The following TMEM40 variants were observed in gnomAD, a reference collection of about 807,000 sequenced individuals.
TMEM40 encodes transmembrane protein 40.
A neutral mutation model predicts 40.8 loss-of-function variants in TMEM40; 34 were observed. The observed-to-expected ratio is 0.83, with a 90% CI of 0.63 to 1.11. The LOEUF (loss-of-function observed/expected upper bound fraction) is 1.11, where lower values mean the gene tolerates loss of function less well. Among genes scored for constraint, TMEM40 ranks in the 50% least tolerant of loss-of-function variants. The probability of loss-of-function intolerance (pLI) is 0.00; values close to 1 mark genes in which losing one functional copy is unlikely to be tolerated. For synonymous variants in TMEM40, 106 were observed against 107.0 expected, an observed-to-expected ratio of 0.99 and a Z score of 0.06; for missense variants, 296 against 280.2, an observed-to-expected ratio of 1.06 and a Z score of -0.40.
chr3:12,761,693 G>C (rs961916825), upstream of TMEM40, among the ~76,000 whole-genome samples: 7 of 152,156 alleles, frequency 4.6e-5, no homozygotes, highest in African/African-American at 1.7e-4. Context: ...TCCAGCATCT[G>C]GGTGAGCATG....
At chr3:12,745,456 C>T (rs895867401) in intron 3 of TMEM40, among the ~76,000 whole-genome samples, 3 of 150,744 alleles carry the variant, frequency 2.0e-5, no homozygotes, top group African/African-American at 7.5e-5. Flanking sequence ...ATTCATAATA[C>T]AATTTTTTTG....
At chr3:12,761,663 T>A (rs9985266), upstream of TMEM40, among the ~76,000 whole-genome samples, 5 of 151,230 alleles carry the variant, frequency 3.3e-5, no homozygotes, top group Admixed American at 3.3e-4. Context: ...CATTGTGGAC[T>A]GGTGGAGAAG....
intron 5 of TMEM40, chr3:12,741,327 G>A (rs1236688193): frequency 6.6e-6 from 1 of 152,230 alleles, no homozygotes; most frequent in Non-Finnish European, 1.5e-5. Flanking sequence ...CTCAAGGGCA[G>A]ACAGGCACTT....
intron 2 of TMEM40, among the ~76,000 whole-genome samples, chr3:12,749,272 C>A (rs138777253): frequency 0.013 from 1,947 of 152,278 alleles, 48 homozygotes; most frequent in African/African-American, 0.045. Context: ...GATCTGCCCG[C>A]CTCGGCCTCC....
intron 1 of TMEM40, among the ~76,000 whole-genome samples, chr3:12,751,363 C>G (rs185159803): frequency 6.6e-6 from 1 of 151,010 alleles, no homozygotes; most frequent in South Asian, 2.1e-4. Flanking sequence ...CTCACTGCAA[C>G]CTCTGCCTCC....
chr3:12,747,218 C>T (rs2061435980), intron 3 of TMEM40, among the ~76,000 whole-genome samples: 1 of 151,188 alleles, frequency 6.6e-6, no homozygotes, highest in Non-Finnish European at 1.5e-5. Flanking sequence ...GCCCAGAGAC[C>T]TTTCATTAAA....
chr3:12,740,638 A>ACT (rs1460370136), intron 5 of TMEM40, among the ~76,000 whole-genome samples: 1 of 151,638 alleles, frequency 6.6e-6, no homozygotes, highest in Non-Finnish European at 1.5e-5. Flanking sequence ...TGGGTAGATC[A>ACT]CTTGAGTCCA....
chr3:12,758,551 G>C (rs974232353), intron 1 of TMEM40, among the ~76,000 whole-genome samples: 2 of 152,100 alleles, frequency 1.3e-5, no homozygotes, highest in African/African-American at 2.4e-5. Context: ...CACACCACCT[G>C]TGCCTGAGCC....
Position 12,735,590 on chromosome 3 carries a change from C to A in TMEM40, c.647G>T (p.Gly216Val), listed in dbSNP as rs766488618. The A allele has an allele frequency of 8.7e-6, 14 of 1,613,268 alleles. No homozygotes were observed. Among genetic ancestry groups the A allele is most frequent in the Admixed American group, 6.7e-5 (4 of 59,728 alleles). The stretch of plus-strand genomic sequence containing the variant: ...AAACTTCTGGAAGAGGGGGATGAAG[C>A]CTTGGAGGACGCTGTGGATACGGTA... ...LVYRIHSVLQ[G>V]FIPLFQKFRL... is the part of the protein sequence containing the mutation. Residue 216 changes from glycine (G) to valine (V), a missense_variant, in exon 11 of 12, where the codon GGC becomes GTC. Coordinates refer to ENST00000314124, the MANE Select transcript of TMEM40 (RefSeq NM_018306.4).
At chr3:12,761,998 T>A (rs1202614543), upstream of TMEM40, among the ~76,000 whole-genome samples, 1 of 152,222 alleles carries the variant, frequency 6.6e-6, no homozygotes, top group East Asian at 1.9e-4. Flanking sequence ...CAGGATCTTG[T>A]TCTCTTGCCC....
chr3:12,748,799 G>T lies in TMEM40; in HGVS notation c.74-7C>A. 1 of 1,613,452 alleles carries T rather than the reference G, an allele frequency of 6.2e-7. No homozygotes were observed. The highest frequency in any genetic ancestry group is 1.3e-5 in the African/African-American group (1 of 74,988). ...TGGAAATCTGTCTCTCCATCTACAAGGCACACAGAGGCCAGGGGATGAGCG... is the reference window on the plus strand; with the variant it reads ...TGGAAATCTGTCTCTCCATCTACAATGCACACAGAGGCCAGGGGATGAGCG... On this transcript the variant is annotated splice_region_variant and splice_polypyrimidine_tract_variant and intron_variant, in intron 2 of 11. Transcript: ENST00000314124.
intron 2 of TMEM40, 63 bp from the exon 3 acceptor site, chr3:12,748,855 C>T: frequency 6.9e-7 from 1 of 1,447,630 alleles, no homozygotes; most frequent in Non-Finnish European, 9.6e-7. Context: ...AGGGACCACC[C>T]AGTCCTCTCC....
At chr3:12,738,429 CT>C in intron 6 of TMEM40, 123 bp downstream of exon 6, 1 of 1,169,092 alleles carries the variant, frequency 8.6e-7, no homozygotes, top group South Asian at 1.3e-5. Context: ...CTAAGTGGAC[CT>C]GGGGCTCCTG....
chr3:12,763,084 C>T (rs527791523), upstream of TMEM40, among the ~76,000 whole-genome samples: 1 of 144,200 alleles, frequency 6.9e-6, no homozygotes, highest in Non-Finnish European at 1.5e-5. Context: ...GGCGTGAATC[C>T]GGGAGGCGGA....
chr3:12,762,233 G>C (rs1457143285), upstream of TMEM40, among the ~76,000 whole-genome samples: 5 of 152,226 alleles, frequency 3.3e-5, no homozygotes, highest in Non-Finnish European at 7.3e-5. Flanking sequence ...GGTTCCCAAA[G>C]TGCTGGGATT....
At chr3:12,746,026 T>C (rs972629866) in intron 3 of TMEM40, among the ~76,000 whole-genome samples, 22 of 151,852 alleles carry the variant, frequency 1.4e-4, no homozygotes, top group African/African-American at 5.1e-4. Flanking sequence ...GCCTCCCGAG[T>C]AGCTGGGATT....
At chr3:12,753,309 T>G (rs182101161) in intron 1 of TMEM40, among the ~76,000 whole-genome samples, 1 of 145,698 alleles carries the variant, frequency 6.9e-6, no homozygotes, top group African/African-American at 2.5e-5. Flanking sequence ...TTCAACCTCC[T>G]GGGTTCCAGT....
intron 3 of TMEM40, among the ~76,000 whole-genome samples, chr3:12,744,942 T>C (rs1227961412): frequency 6.6e-6 from 1 of 152,238 alleles, no homozygotes; most frequent in African/African-American, 2.4e-5. Flanking sequence ...TTTGGGTGAC[T>C]TCTATTTTCT....
intron 3 of TMEM40, among the ~76,000 whole-genome samples, chr3:12,746,573 G>A (rs1270283529): frequency 6.6e-6 from 1 of 152,162 alleles, no homozygotes; most frequent in East Asian, 1.9e-4. Flanking sequence ...GCAGGGCTGC[G>A]GTGAGGCACC....
Sources: gnomAD v4.1 joint callset for allele counts (sites outside exome capture counted in the v4.1 genomes callset) on GRCh38, gnomAD v4.1.1 for gene constraint, MANE v1.5 for transcripts, NCBI Gene and HGNC (gene_info 2026-07-23, HGNC 2026-07-21) for gene names.